The following ST6GALNAC3 variants were observed in gnomAD, a reference collection of about 807,000 sequenced individuals.
The protein encoded by ST6GALNAC3 is ST6 N-acetylgalactosaminide alpha-2,6-sialyltransferase 3, also known as alpha-N-acetylgalactosaminide alpha-2,6-sialyltransferase 3.
In ST6GALNAC3, 25 loss-of-function variants were observed where a neutral mutation model predicts 32.7. The observed-to-expected ratio is 0.76, with a 90% CI of 0.56 to 1.07. ST6GALNAC3 has a LOEUF of 1.07. Among genes scored for constraint, ST6GALNAC3 ranks in the 50% least tolerant of loss-of-function variants. The probability of loss-of-function intolerance (pLI) is 0.00; values close to 1 mark genes in which losing one functional copy is unlikely to be tolerated. For missense variants in ST6GALNAC3, 355 were observed against 382.4 expected, an observed-to-expected ratio of 0.93 and a Z score of 0.60; for synonymous variants, 129 against 133.1, an observed-to-expected ratio of 0.97 and a Z score of 0.21.
chr1:76,403,906 CTCTT>C (rs1653618593), intron 2 of ST6GALNAC3, among the ~76,000 whole-genome samples: 1 of 151,702 alleles, frequency 6.6e-6, no homozygotes, highest in Non-Finnish European at 1.5e-5. Flanking sequence ...TATGAGAAAA[CTCTT>C]TCTTGGTTTG....
chr1:76,161,132 A>G (rs541834357), intron 1 of ST6GALNAC3, among the ~76,000 whole-genome samples: 9 of 152,314 alleles, frequency 5.9e-5, no homozygotes, highest in Admixed American at 1.3e-4. Context: ...ATTGCCTTTC[A>G]GACTTCAGAT....
chr1:76,153,580 A>G (rs1166087960), intron 1 of ST6GALNAC3, among the ~76,000 whole-genome samples: 1 of 152,166 alleles, frequency 6.6e-6, no homozygotes, highest in African/African-American at 2.4e-5. Context: ...ACTTTAATAA[A>G]ACATGGCATG....
At chr1:76,382,190 A>G (rs1213755841) in intron 2 of ST6GALNAC3, among the ~76,000 whole-genome samples, 1 of 152,164 alleles carries the variant, frequency 6.6e-6, no homozygotes, top group Non-Finnish European at 1.5e-5. Flanking sequence ...CAGGGTCTAA[A>G]TAATTATTTT....
chr1:76,348,744 G>A (rs1385722028), intron 2 of ST6GALNAC3, among the ~76,000 whole-genome samples: 4 of 151,884 alleles, frequency 2.6e-5, no homozygotes, highest in Admixed American at 1.3e-4. Flanking sequence ...ATGCATGCAT[G>A]CCTATATATA....
intron 1 of ST6GALNAC3, among the ~76,000 whole-genome samples, chr1:76,235,762 GC>G (rs1656616907): frequency 6.8e-6 from 1 of 146,502 alleles, no homozygotes; most frequent in African/African-American, 2.5e-5. Context: ...TACAGACTAG[GC>G]ATCCGAGATC....
chr1:76,397,591 C>G (rs897919599), intron 2 of ST6GALNAC3, among the ~76,000 whole-genome samples: 1 of 152,098 alleles, frequency 6.6e-6, no homozygotes, highest in South Asian at 2.1e-4. Flanking sequence ...CCAGGCTGAT[C>G]TCAAATTCCT....
intron 2 of ST6GALNAC3, among the ~76,000 whole-genome samples, chr1:76,389,381 GT>G (rs1425685527): frequency 6.6e-6 from 1 of 152,180 alleles, no homozygotes; most frequent in Non-Finnish European, 1.5e-5. Flanking sequence ...CACATGAAGA[GT>G]TTTGAAGTTT....
intron 2 of ST6GALNAC3, among the ~76,000 whole-genome samples, chr1:76,343,133 C>A (rs138485849): frequency 6.0e-4 from 91 of 152,246 alleles, no homozygotes; most frequent in African/African-American, 2.0e-3. Flanking sequence ...GGATCTTCAT[C>A]ATAACTTATT....
intron 1 of ST6GALNAC3, among the ~76,000 whole-genome samples, chr1:76,181,620 C>T (rs775117268): frequency 1.1e-4 from 16 of 152,072 alleles, no homozygotes; most frequent in Non-Finnish European, 1.8e-4. Context: ...GTAATATTCA[C>T]GTTACCTAGC....
intron 1 of ST6GALNAC3, among the ~76,000 whole-genome samples, chr1:76,281,226 T>C (rs1249803529): frequency 6.6e-6 from 1 of 152,222 alleles, no homozygotes; most frequent in East Asian, 1.9e-4. Flanking sequence ...TTGAAATCGA[T>C]ATAGATTTTT....
intron 2 of ST6GALNAC3, among the ~76,000 whole-genome samples, chr1:76,360,003 C>T (rs774313199): frequency 2.0e-5 from 3 of 152,130 alleles, no homozygotes; most frequent in Non-Finnish European, 4.4e-5. Flanking sequence ...GGTTTTTCCA[C>T]AGTCGCTTTG....
chr1:76,146,025 A>G (rs1346293046), intron 1 of ST6GALNAC3, among the ~76,000 whole-genome samples: 1 of 152,220 alleles, frequency 6.6e-6, no homozygotes, highest in African/African-American at 2.4e-5. Flanking sequence ...TGGCCATCTA[A>G]AAGTAGTAAA....
In ST6GALNAC3 at chr1:76,250,835, T is replaced by A. The variant is rs1657567074; in HGVS notation, c.19-62970T>A. Among the ~76,000 whole-genome samples the A allele has an allele frequency of 2.6e-5, 4 of 152,196 alleles. No individual in the cohort carries two copies. In the South Asian group the frequency reaches 8.3e-4, roughly 32 times the overall value. ...AATTAGCAATAATTTGCTAATAATGTAATCTATTTTCTGTTCACTCCTTGA... is the reference window on the plus strand; with the variant it reads ...AATTAGCAATAATTTGCTAATAATGAAATCTATTTTCTGTTCACTCCTTGA... On this transcript the variant is annotated intron_variant, in intron 1 of 4. Transcript: ENST00000328299.
intron 3 of ST6GALNAC3, among the ~76,000 whole-genome samples, chr1:76,566,151 C>T (rs1241126550): frequency 6.6e-6 from 1 of 152,130 alleles, no homozygotes; most frequent in Non-Finnish European, 1.5e-5. Context: ...CGGACATCAA[C>T]CAGCAAGTAT....
chr1:76,635,094 A>G (rs373423158), downstream of ST6GALNAC3, among the ~76,000 whole-genome samples: 41 of 152,280 alleles, frequency 2.7e-4, no homozygotes, highest in African/African-American at 9.4e-4. Context: ...ATGCTGACAT[A>G]TATTTCTTTT....
chr1:76,176,726 A>C (rs898536561), intron 1 of ST6GALNAC3, among the ~76,000 whole-genome samples: 2 of 152,206 alleles, frequency 1.3e-5, no homozygotes, highest in Non-Finnish European at 2.9e-5. Flanking sequence ...ATAAAATATC[A>C]GTCAAAATAT....
At chr1:76,550,227 T>G (rs1664540974) in intron 3 of ST6GALNAC3, among the ~76,000 whole-genome samples, 1 of 152,226 alleles carries the variant, frequency 6.6e-6, no homozygotes, top group Admixed American at 6.5e-5. Context: ...TTATGTCTCA[T>G]ATAAGAAAAC....
At position 76,331,516 on chromosome 1, in the gene ST6GALNAC3, A is replaced by G. The variant is rs568034293; in HGVS notation, c.213+17517A>G. On this transcript the variant is annotated intron_variant, in intron 2 of 4. Coordinates refer to ENST00000328299, the MANE Select transcript of ST6GALNAC3 (RefSeq NM_152996.4). ...TTATTAGCATTACTTCTTGTCCATA[A>G]CCATCATTGCCTAAGTGCTCTGCAA... 9.9e-5 allele frequency among the ~76,000 whole-genome samples: 15 copies of G among 152,208 alleles called. No individual in the cohort carries two copies. The South Asian group carries it at 3.1e-3, about 32-fold the overall frequency.
At chr1:76,615,338 G>C (rs1401152429) in intron 3 of ST6GALNAC3, among the ~76,000 whole-genome samples, 3 of 152,054 alleles carry the variant, frequency 2.0e-5, no homozygotes, top group Non-Finnish European at 4.4e-5. Flanking sequence ...ACTCAGCAGA[G>C]CTAAGGGGAA....
Sources: allele counts gnomAD v4.1 joint callset (sites outside exome capture counted in the v4.1 genomes callset), GRCh38; gene constraint gnomAD v4.1.1; transcripts MANE v1.5; gene names NCBI Gene and HGNC (gene_info 2026-07-23, HGNC 2026-07-21).